The following SLC15A2 variants were observed in gnomAD, a reference collection of about 807,000 sequenced individuals.
The protein encoded by SLC15A2 is solute carrier family 15 member 2, also known as kidney H(+)/peptide cotransporter.
Under a neutral mutation model 95.5 loss-of-function variants are expected in SLC15A2, and 77 were observed. The ratio of observed to expected loss-of-function variants is 0.81; its 90% CI spans 0.67 to 0.97. SLC15A2 has a LOEUF of 0.97. Ranked by LOEUF, SLC15A2 falls within the 50% of genes least tolerant of loss-of-function variation. The pLI, the probability that SLC15A2 is intolerant of heterozygous loss-of-function variation, is 0.00. For missense variants in SLC15A2, 893 were observed against 874.4 expected (o/e 1.02, Z -0.27); for synonymous variants, 306 against 306.9 (o/e 1.00, Z 0.03).
Position 121,939,359 on chromosome 3 carries a change from A to G in SLC15A2, c.1772A>G (p.Gln591Arg). ...TTCTCTTTCCCTAAGAACACCAATCAGGGTCTTCAGGCCTGGAAGATTGAA... is the reference window on the plus strand; with the variant it reads ...TTCTCTTTCCCTAAGAACACCAATCGGGGTCTTCAGGCCTGGAAGATTGAA... Reference protein sequence around the residue: ...YLFVITNNTNQGLQAWKIEDI... With the variant: ...YLFVITNNTNRGLQAWKIEDI... Residue 591 changes from glutamine to arginine, a missense_variant, in exon 20 of 22, where the codon CAG becomes CGG. Coordinates refer to ENST00000489711, the MANE Select transcript of SLC15A2 (RefSeq NM_021082.4). 6.5e-7 allele frequency: 1 copy of G among 1,531,976 alleles called. No individual in the cohort carries two copies. The highest frequency in any genetic ancestry group is 8.8e-7 in the Non-Finnish European group (1 of 1,142,530). The allele number at this position is 1,531,976 out of a possible 1,614,324, so 94.9% of individuals were successfully genotyped here.
intron 16 of SLC15A2, 69 bp from the exon 17 acceptor site, chr3:121,929,233 T>G: frequency 6.2e-7 from 1 of 1,604,146 alleles, no homozygotes; most frequent in South Asian, 1.1e-5. Context: ...ATCTGCCTGA[T>G]GATCAAATTT....
chr3:121,936,210 G>C (rs1211556927), intron 19 of SLC15A2, among the ~76,000 whole-genome samples: 2 of 152,162 alleles, frequency 1.3e-5, no homozygotes, highest in Non-Finnish European at 2.9e-5. Flanking sequence ...TGGAATAGGT[G>C]TGGTGTGGTG....
rs1384617185 is a variant in SLC15A2 at position 121,915,618 on chromosome 3, G to A, written c.622G>A (p.Asp208Asn). ...TCCTCCCATCCCATTTTCTTTAGGA[G>A]ATGTGCAATGTTTTGGAGAAGACTG... ...STFITPMLRG[D>N]VQCFGEDCYA... The change falls in exon 7 of 22, where the codon GAT becomes AAT. Residue 208 changes from aspartate (D) to asparagine (N), a missense_variant and splice_region_variant. Transcript: ENST00000489711. 1 of 1,612,418 alleles carries A rather than the reference G, an allele frequency of 6.2e-7. No individual in the cohort carries two copies. The highest frequency in any genetic ancestry group is 8.5e-7 in the Non-Finnish European group (1 of 1,178,456).
intron 16 of SLC15A2, 29 bp from the exon 17 acceptor site, chr3:121,929,273 T>G: frequency 6.2e-7 from 1 of 1,611,742 alleles, no homozygotes; most frequent in South Asian, 1.1e-5. Flanking sequence ...TCATCAGCTG[T>G]TACTGATTTT....
intron 19 of SLC15A2, among the ~76,000 whole-genome samples, chr3:121,937,610 C>T (rs2107612447): frequency 6.6e-6 from 1 of 152,036 alleles, no homozygotes; most frequent in East Asian, 1.9e-4. Context: ...TGGTTTTCAG[C>T]TCCATCAGCT....
chr3:121,932,371 A>T, intron 19 of SLC15A2, among the ~76,000 whole-genome samples: 1 of 152,208 alleles, frequency 6.6e-6, no homozygotes. Context: ...AACACAAGTT[A>T]TTTATGAAAA....
intron 3 of SLC15A2, among the ~76,000 whole-genome samples, chr3:121,903,839 T>G (rs140929094): frequency 2.6e-5 from 4 of 152,352 alleles, no homozygotes; most frequent in African/African-American, 9.6e-5. Flanking sequence ...TGTGGGCTAT[T>G]TTTGCGTCCA....
In SLC15A2 at chr3:121,897,499, C is replaced by G; in HGVS notation, c.305C>G (p.Ala102Gly). The change falls in exon 3 of 22, where the codon GCC becomes GGC. Residue 102 changes from alanine (A) to glycine (G), a missense_variant. By Grantham distance (60) the Ala-to-Gly change is moderately conservative. Coordinates refer to ENST00000489711, the MANE Select transcript of SLC15A2 (RefSeq NM_021082.4). ...TATTTTACTCCCATCCTGGGAGCAG[C>G]CATTGCTGACTCGTGGTTGGGAAAA... ...LCYFTPILGA[A>G]IADSWLGKFK... 3 of 1,614,038 alleles carry G rather than the reference C, an allele frequency of 1.9e-6. No homozygotes were observed. The highest frequency in any genetic ancestry group is 1.7e-6 in the Non-Finnish European group (2 of 1,179,982).
At chr3:121,904,812 C>T (rs1446735603) in intron 3 of SLC15A2, among the ~76,000 whole-genome samples, 7 of 152,088 alleles carry the variant, frequency 4.6e-5, no homozygotes, top group African/African-American at 1.7e-4. Flanking sequence ...CTAAAATTCT[C>T]TTTCTTTGTT....
intron 15 of SLC15A2, among the ~76,000 whole-genome samples, 173 bp from the exon 16 acceptor site, chr3:121,928,809 G>A (rs1881999): frequency 2.6e-5 from 4 of 151,792 alleles, no homozygotes; most frequent in African/African-American, 9.7e-5. Flanking sequence ...TTTATGCATG[G>A]CTCTGATTAT....
intron 13 of SLC15A2, among the ~76,000 whole-genome samples, chr3:121,925,779 TATAA>T (rs202076606): frequency 2.3e-3 from 82 of 36,412 alleles, no homozygotes; most frequent in Non-Finnish European, 3.1e-3. Context: ...TATATATATA[TATAA>T]AATACAACTA....
chr3:121,940,464 G>A lies in SLC15A2; in HGVS notation c.1989G>A (p.Val663=). ...IAVGNIIVLV[V]AQFSGLVQWA... ...TTGGGAATATCATCGTGCTTGTTGT[G>A]GCACAGTTCAGTGGCCTGGTACAGG... Residue 663 remains valine (V), a synonymous_variant, in exon 21 of 22, where the codon GTG becomes GTA. Transcript: ENST00000489711. The A allele has an allele frequency of 6.2e-7, 1 of 1,614,028 alleles. No homozygotes were observed. The highest frequency in any genetic ancestry group is 1.1e-5 in the South Asian group (1 of 91,074).
chr3:121,922,766 C>G lies in SLC15A2; in HGVS notation c.781-9C>G, dbSNP rs774194381. ...TTGTCTCTCCCATGATGTCTACTCT[C>G]TGCCCTAGTTTGCTATTTCCAATCG... is the stretch of plus-strand genomic sequence containing the variant. On this transcript the variant is annotated splice_polypyrimidine_tract_variant and intron_variant, in intron 8 of 21. Coordinates refer to ENST00000489711, the MANE Select transcript of SLC15A2 (RefSeq NM_021082.4). The G allele has an allele frequency of 2.2e-5, 35 of 1,610,052 alleles. 1 individual carries two copies. The East Asian group carries it at 7.8e-4, about 36-fold the overall frequency.
chr3:121,928,774 CA>C (rs1194926742), intron 15 of SLC15A2, among the ~76,000 whole-genome samples: 1 of 152,104 alleles, frequency 6.6e-6, no homozygotes, highest in Non-Finnish European at 1.5e-5. Context: ...CATAATCCTA[CA>C]ATGAACATTC....
At chr3:121,896,858 G>T (rs1391626509) in intron 2 of SLC15A2, among the ~76,000 whole-genome samples, 2 of 140,838 alleles carry the variant, frequency 1.4e-5, no homozygotes, top group South Asian at 4.9e-4. Flanking sequence ...CCAGTGAATG[G>T]CCACTGCACT....
At chr3:121,934,617 T>C (rs1361813774) in intron 19 of SLC15A2, among the ~76,000 whole-genome samples, 3 of 151,678 alleles carry the variant, frequency 2.0e-5, no homozygotes, top group Non-Finnish European at 4.4e-5. Context: ...TGATTTTGTA[T>C]CCTGAGACTT....
Position 121,936,547 on chromosome 3 carries a change from G to T in SLC15A2, c.1762-2802G>T, listed in dbSNP as rs558420132. Among the ~76,000 whole-genome samples the T allele has an allele frequency of 7.7e-4, 116 of 151,470 alleles. 1 individual carries two copies. Among genetic ancestry groups the T allele is most frequent in the African/African-American group, 2.8e-3 (114 of 41,288 alleles). On this transcript the variant is annotated intron_variant, in intron 19 of 21. Transcript: ENST00000489711. Reference sequence around the variant, plus strand: ...GCCTTCTTTGTCTCTTTTGATCTTTGTTGGTTTAAAGTCTGTTTTATCAGA... The same window carrying T: ...GCCTTCTTTGTCTCTTTTGATCTTTTTTGGTTTAAAGTCTGTTTTATCAGA...
intron 3 of SLC15A2, among the ~76,000 whole-genome samples, chr3:121,898,243 C>T (rs1196593143): frequency 6.6e-6 from 1 of 151,672 alleles, no homozygotes; most frequent in South Asian, 2.1e-4. Flanking sequence ...ATTGAGTTAT[C>T]CCACCTCCTT....
At chr3:121,933,458 C>T (rs1408532911) in intron 19 of SLC15A2, among the ~76,000 whole-genome samples, 1 of 151,830 alleles carries the variant, frequency 6.6e-6, no homozygotes, top group East Asian at 1.9e-4. Context: ...GCCATTCTAA[C>T]TGATGTGAGA....
Sources: allele counts gnomAD v4.1 joint callset (sites outside exome capture counted in the v4.1 genomes callset), GRCh38; gene constraint gnomAD v4.1.1; transcripts MANE v1.5; gene names NCBI Gene and HGNC (gene_info 2026-07-23, HGNC 2026-07-21).